Variants in PPFIBP1 observed in about 807,000 individuals in gnomAD.
PPFIBP1 encodes PPFIB scaffold protein 1, also known as liprin-beta-1.
Under a neutral mutation model 137.8 loss-of-function variants are expected in PPFIBP1, and 112 were observed. The observed-to-expected ratio is 0.81, with a 90% CI of 0.70 to 0.95. PPFIBP1 has a LOEUF of 0.95. Ranked by LOEUF, PPFIBP1 falls within the 40% of genes least tolerant of loss-of-function variation. The pLI, the probability that PPFIBP1 is intolerant of heterozygous loss-of-function variation, is 0.00. For synonymous variants in PPFIBP1, 378 were observed against 417.3 expected, an observed-to-expected ratio of 0.91 and a Z score of 1.15; for missense variants, 1,083 against 1,196.6, an observed-to-expected ratio of 0.91 and a Z score of 1.40.
At chr12:27,549,423 T>A (rs1190596365) in intron 1 of PPFIBP1, 1 of 152,148 alleles carries the variant, frequency 6.6e-6, no homozygotes, top group Non-Finnish European at 1.5e-5. Context: ...ACAGTCCGGA[T>A]GAGGAATCTC....
rs2053306529 is a variant in PPFIBP1 at position 27,596,349 on chromosome 12, T to C, written c.-36+18110T>C. On this transcript the variant is annotated intron_variant, in intron 2 of 29. Transcript: ENST00000228425. ...AATTCTGATGACATGATAGAAGAAA[T>C]AGGCAGAGTTATAGTTAGAAAGAAG... Among the ~76,000 whole-genome samples the C allele has an allele frequency of 5.3e-5, 8 of 152,080 alleles. 1 individual carries two copies.
At chr12:27,592,795 C>T (rs2052679241) in intron 2 of PPFIBP1, 1 of 698,738 alleles carries the variant, frequency 1.4e-6, no homozygotes, top group Non-Finnish European at 2.5e-6. Flanking sequence ...ACCATGACAG[C>T]AGCCAAGTCA....
At chr12:27,644,655 C>T (rs2058350133) in intron 4 of PPFIBP1, among the ~76,000 whole-genome samples, 1 of 152,242 alleles carries the variant, frequency 6.6e-6, no homozygotes, top group East Asian at 1.9e-4. Context: ...GGAAGTTGTC[C>T]AGGCCACTCC....
rs754256602 is a variant in PPFIBP1 at position 27,671,443 on chromosome 12, A to G, written c.1159A>G (p.Ile387Val). The change falls in exon 14 of 30, where the codon ATC becomes GTC. Residue 387 changes from isoleucine (I) to valine (V), a missense_variant. Physicochemically the swap from Ile to Val is conservative, Grantham distance 29. Coordinates refer to ENST00000228425, the MANE Select transcript of PPFIBP1 (RefSeq NM_003622.4). ...TSVPEEFHTTILQVSIPSLLP... is the reference protein window; with the variant it reads ...TSVPEEFHTTVLQVSIPSLLP... ...AATTACATTACAGTTCCATACTACC[A>G]TCTTGCAAGTTTCCATCCCTTCATT... 3 of 1,584,188 alleles carry G rather than the reference A, an allele frequency of 1.9e-6. No individual in the cohort carries two copies. Among genetic ancestry groups the G allele is most frequent in the South Asian group, 1.2e-5 (1 of 86,106 alleles).
chr12:27,559,405 G>A (rs2048978327), intron 1 of PPFIBP1, among the ~76,000 whole-genome samples: 1 of 152,148 alleles, frequency 6.6e-6, no homozygotes, highest in Non-Finnish European at 1.5e-5. Context: ...CTGACCTCGT[G>A]ATCCATCCAC....
chr12:27,643,417 A>T (rs10797294), intron 4 of PPFIBP1, among the ~76,000 whole-genome samples: 74,983 of 110,660 alleles, frequency 0.68, 26,525 homozygotes, highest in East Asian at 0.81. Flanking sequence ...ACCTTAGTGC[A>T]TTCAGAGTAA....
At chr12:27,534,827 C>T (rs1944810050) in intron 1 of PPFIBP1, among the ~76,000 whole-genome samples, 1 of 152,176 alleles carries the variant, frequency 6.6e-6, no homozygotes, top group Admixed American at 6.5e-5. Context: ...AAGGTGGTCT[C>T]TGATCTTCAG....
intron 11 of PPFIBP1, among the ~76,000 whole-genome samples, chr12:27,662,844 T>C (rs950119351): frequency 1.3e-5 from 2 of 152,228 alleles, no homozygotes; most frequent in African/African-American, 4.8e-5. Context: ...CCCATCAATT[T>C]TAGGAGAAAT....
chr12:27,687,741 AT>A (rs199713835), intron 25 of PPFIBP1, among the ~76,000 whole-genome samples: 3 of 150,932 alleles, frequency 2.0e-5, no homozygotes, highest in Non-Finnish European at 3.0e-5. Flanking sequence ...TCTTGGGTGT[AT>A]TTTTTTTTCC....
chr12:27,646,402 T>A, intron 5 of PPFIBP1: 1 of 453,768 alleles, frequency 2.2e-6, no homozygotes, highest in East Asian at 4.9e-5. Flanking sequence ...TGTTGTCTGA[T>A]CTGTTCTTTT....
At chr12:27,575,060 A>G (rs1592568507) in intron 1 of PPFIBP1, among the ~76,000 whole-genome samples, 1 of 152,244 alleles carries the variant, frequency 6.6e-6, no homozygotes, top group Non-Finnish European at 1.5e-5. Flanking sequence ...TTATTTTAAG[A>G]CAGTCTACTG....
At chr12:27,558,479 C>CAA (rs2048885497) in intron 1 of PPFIBP1, among the ~76,000 whole-genome samples, 2 of 112,706 alleles carry the variant, frequency 1.8e-5, no homozygotes, top group Non-Finnish European at 3.7e-5. Context: ...CACACACACA[C>CAA]ACACACACAC....
chr12:27,589,617 C>G (rs1340973679), intron 2 of PPFIBP1, among the ~76,000 whole-genome samples: 2 of 152,202 alleles, frequency 1.3e-5, no homozygotes, highest in Non-Finnish European at 2.9e-5. Flanking sequence ...CAGGTTCATA[C>G]CTGCCAAGCA....
At chr12:27,592,356 C>A (rs756289098) in intron 2 of PPFIBP1, 2 of 564,430 alleles carry the variant, frequency 3.5e-6, no homozygotes, top group Non-Finnish European at 6.2e-6. Flanking sequence ...GTAACAAGAA[C>A]GTTTATTTTG....
At chr12:27,538,502 A>C (rs1226868365) in intron 1 of PPFIBP1, among the ~76,000 whole-genome samples, 1 of 152,216 alleles carries the variant, frequency 6.6e-6, no homozygotes, top group South Asian at 2.1e-4. Context: ...TTTACAGATG[A>C]GGAAACTGAG....
At chr12:27,604,970 G>A (rs1331305779) in intron 2 of PPFIBP1, among the ~76,000 whole-genome samples, 1 of 152,138 alleles carries the variant, frequency 6.6e-6, no homozygotes, top group African/African-American at 2.4e-5. Context: ...CAGATCTCAT[G>A]AGACCCATTC....
At chr12:27,662,056 G>A (rs2059586034) in intron 11 of PPFIBP1, among the ~76,000 whole-genome samples, 1 of 151,812 alleles carries the variant, frequency 6.6e-6, no homozygotes, top group East Asian at 1.9e-4. Context: ...GGGCTTATGA[G>A]ATGCTCAAAC....
intron 2 of PPFIBP1, among the ~76,000 whole-genome samples, chr12:27,589,830 C>A (rs1246081695): frequency 6.6e-6 from 1 of 152,176 alleles, no homozygotes; most frequent in East Asian, 1.9e-4. Context: ...TCAGGCCTAT[C>A]ATAGTGTCTA....
chr12:27,603,305 G>C (rs1365594829), intron 2 of PPFIBP1, among the ~76,000 whole-genome samples: 1 of 152,158 alleles, frequency 6.6e-6, no homozygotes, highest in Non-Finnish European at 1.5e-5. Context: ...TCTTTGCAGA[G>C]TTTTTGAAAT....
Sources: gnomAD v4.1 joint callset for allele counts (sites outside exome capture counted in the v4.1 genomes callset) on GRCh38, gnomAD v4.1.1 for gene constraint, MANE v1.5 for transcripts, NCBI Gene and HGNC (gene_info 2026-07-23, HGNC 2026-07-21) for gene names.